The following MTUS2 variants were observed in gnomAD, a reference collection of about 807,000 sequenced individuals.
The protein encoded by MTUS2 is microtubule associated scaffold protein 2, also known as microtubule-associated tumor suppressor candidate 2.
MTUS2 carries 40 observed loss-of-function variants against 114.1 expected under a neutral mutation model. The observed-to-expected ratio is 0.35, with a 90% CI of 0.27 to 0.46. The LOEUF is 0.46. MTUS2 is among the 20% of genes least tolerant of loss of function. MTUS2 has a pLI of 1.00. For synonymous variants in MTUS2, 688 were observed against 672.0 expected, an observed-to-expected ratio of 1.02 and a Z score of -0.37; for missense variants, 1,679 against 1,705.4, an observed-to-expected ratio of 0.98 and a Z score of 0.27.
At chr13:29,091,824 T>C (rs1386950773) in intron 4 of MTUS2, among the ~76,000 whole-genome samples, 2 of 152,226 alleles carry the variant, frequency 1.3e-5, no homozygotes, top group Non-Finnish European at 2.9e-5. Flanking sequence ...ACAGAAGCTC[T>C]GTAGGACTCA....
At position 29,047,584 on chromosome 13, in the gene MTUS2, G is replaced by C. The variant is rs551730681; in HGVS notation, c.2446+13459G>C. 3.6e-4 allele frequency among the ~76,000 whole-genome samples: 55 copies of C among 150,942 alleles called. 1 individual carries two copies. In the South Asian group the frequency reaches 0.012, roughly 32 times the overall value. The stretch of plus-strand genomic sequence containing the variant: ...GCTGGAGTGCAGTGGCGCAATCTCG[G>C]CTCACTGCAAGCTCTGCCTCCCGGG... On this transcript the variant is annotated intron_variant, in intron 4 of 15. Coordinates refer to ENST00000612955, the MANE Select transcript of MTUS2 (RefSeq NM_001033602.4).
intron 5 of MTUS2, among the ~76,000 whole-genome samples, chr13:29,138,068 G>A (rs1892058895): frequency 6.6e-6 from 1 of 152,150 alleles, no homozygotes; most frequent in South Asian, 2.1e-4. Context: ...CAGGAGTGGA[G>A]CACAGATCCT....
chr13:29,018,721 C>G (rs1280428262), intron 2 of MTUS2, among the ~76,000 whole-genome samples: 2 of 151,968 alleles, frequency 1.3e-5, no homozygotes, highest in African/African-American at 2.4e-5. Flanking sequence ...GCTCACACCA[C>G]TGCACTCCAG....
chr13:28,829,639 G>A (rs1397472239), intron 1 of MTUS2, among the ~76,000 whole-genome samples: 1 of 152,132 alleles, frequency 6.6e-6, no homozygotes, highest in East Asian at 1.9e-4. Context: ...CTATATGATT[G>A]CTCTAGAAGC....
At chr13:29,459,737 G>A (rs533101636) in intron 9 of MTUS2, among the ~76,000 whole-genome samples, 1 of 152,136 alleles carries the variant, frequency 6.6e-6, no homozygotes, top group Non-Finnish European at 1.5e-5. Context: ...ATGATAAAGA[G>A]ATCCTTCTGT....
intron 3 of MTUS2, among the ~76,000 whole-genome samples, chr13:29,033,500 C>A (rs1232001846): frequency 3.9e-5 from 6 of 151,980 alleles, no homozygotes; most frequent in Admixed American, 1.3e-4. Flanking sequence ...GCTTTTTTCC[C>A]ACAGGTATAA....
At chr13:29,141,508 A>G (rs75256414) in intron 5 of MTUS2, among the ~76,000 whole-genome samples, 2 of 152,180 alleles carry the variant, frequency 1.3e-5, no homozygotes, top group East Asian at 3.9e-4. Flanking sequence ...TAGGAGCCCC[A>G]GGAGATGGGT....
intron 5 of MTUS2, among the ~76,000 whole-genome samples, chr13:29,232,338 A>G (rs543495332): frequency 3.3e-5 from 5 of 152,022 alleles, no homozygotes; most frequent in Admixed American, 3.3e-4. Context: ...ACATACACAT[A>G]TGGGCACACA....
At chr13:29,330,083 A>G (rs1410139151) in intron 7 of MTUS2, among the ~76,000 whole-genome samples, 2 of 152,120 alleles carry the variant, frequency 1.3e-5, no homozygotes, top group Admixed American at 6.5e-5. Context: ...AAGCGTTCCT[A>G]TTTCTCCACA....
rs149234004 is a variant in MTUS2, at chr13:29,291,152, A to C, written c.2806+9287A>C. On this transcript the variant is annotated intron_variant, in intron 6 of 15. Coordinates refer to ENST00000612955, the MANE Select transcript of MTUS2 (RefSeq NM_001033602.4). Reference sequence around the variant, plus strand: ...GTCCAGAGGAGGTTGCTTCTTAGAGACACTGATAGCAAATCACAGAGCCCG... The same window carrying C: ...GTCCAGAGGAGGTTGCTTCTTAGAGCCACTGATAGCAAATCACAGAGCCCG... 3.5e-3 allele frequency among the ~76,000 whole-genome samples: 530 copies of C among 152,196 alleles called. 9 individuals carry two copies. Among genetic ancestry groups the C allele is most frequent in the Admixed American group, 0.029 (442 of 15,288 alleles).
chr13:29,104,434 AGAGT>A (rs1890567614), intron 5 of MTUS2, among the ~76,000 whole-genome samples: 1 of 104,150 alleles, frequency 9.6e-6, no homozygotes, highest in Non-Finnish European at 2.5e-5. Flanking sequence ...AGCAAATCTT[AGAGT>A]CAGAGCTGAC....
At chr13:29,278,174 G>A (rs547739676) in intron 5 of MTUS2, among the ~76,000 whole-genome samples, 43 of 152,324 alleles carry the variant, frequency 2.8e-4, no homozygotes, top group Non-Finnish European at 5.7e-4. Flanking sequence ...GATTGATGAT[G>A]TAAATGTGAA....
At chr13:29,167,567 AT>A (rs34070340) in intron 5 of MTUS2, among the ~76,000 whole-genome samples, 25,018 of 151,980 alleles carry the variant, frequency 0.16, 2,131 homozygotes, top group Middle Eastern at 0.25. Context: ...AGATAATCAT[AT>A]TTTTTAAATT....
chr13:28,844,061 T>G (rs1252247030), intron 2 of MTUS2, among the ~76,000 whole-genome samples: 1 of 152,240 alleles, frequency 6.6e-6, no homozygotes, highest in African/African-American at 2.4e-5. Context: ...AATAGGTAAT[T>G]ATTCAAATGT....
At chr13:29,172,191 G>A (rs1227145229) in intron 5 of MTUS2, among the ~76,000 whole-genome samples, 3 of 152,218 alleles carry the variant, frequency 2.0e-5, no homozygotes, top group East Asian at 3.8e-4. Context: ...GACTCCCCAT[G>A]TGACATTGGA....
intron 4 of MTUS2, among the ~76,000 whole-genome samples, chr13:29,077,860 A>T (rs1565995714): frequency 2.0e-5 from 3 of 152,226 alleles, no homozygotes; most frequent in African/African-American, 7.2e-5. Context: ...AAACGCTATG[A>T]TTTTAGTTGA....
At chr13:28,873,386 A>C (rs1877741314) in intron 2 of MTUS2, among the ~76,000 whole-genome samples, 1 of 152,182 alleles carries the variant, frequency 6.6e-6, no homozygotes, top group African/African-American at 2.4e-5. Flanking sequence ...CCTTCTCTGA[A>C]CCCTGTCTAG....
Position 29,332,871 on chromosome 13 carries a change from G to A in MTUS2, c.2905+8160G>A, listed in dbSNP as rs565500201. Among the ~76,000 whole-genome samples the A allele has an allele frequency of 4.6e-3, 706 of 152,154 alleles. 6 individuals carry two copies. Among genetic ancestry groups the A allele is most frequent in the African/African-American group, 0.016 (658 of 41,514 alleles). On this transcript the variant is annotated intron_variant, in intron 7 of 15. Transcript: ENST00000612955. ...AGGATGGTCTTGATCTCCTGACCTC[G>A]TGATCTGCGCGTCTCGGCCTCCCAA...
chr13:28,899,612 C>A (rs1011298726), intron 2 of MTUS2, among the ~76,000 whole-genome samples: 2 of 151,812 alleles, frequency 1.3e-5, no homozygotes, highest in African/African-American at 4.8e-5. Flanking sequence ...GGGTTTCACC[C>A]TGTTAGCCAG....
Sources: allele counts gnomAD v4.1 joint callset (sites outside exome capture counted in the v4.1 genomes callset), GRCh38; gene constraint gnomAD v4.1.1; transcripts MANE v1.5; gene names NCBI Gene and HGNC (gene_info 2026-07-23, HGNC 2026-07-21).